PDGFRB: variants seen among roughly 807,000 people sequenced by gnomAD.
The protein encoded by PDGFRB is platelet-derived growth factor receptor beta.
Under a neutral mutation model 120.2 loss-of-function variants are expected in PDGFRB, and 42 were observed. The observed-to-expected ratio is 0.35, with a 90% confidence interval of 0.27 to 0.45. PDGFRB has a LOEUF of 0.45. PDGFRB is among the 20% of genes least tolerant of loss of function. The pLI is 1.00. For missense variants in PDGFRB, 1,149 were observed against 1,476.3 expected (o/e 0.78, Z 3.63); for synonymous variants, 586 against 606.8 (o/e 0.97, Z 0.50).
chr5:150,125,634 A>C, intron 11 of PDGFRB, 57 bp from the exon 12 acceptor site: 1 of 1,587,670 alleles, frequency 6.3e-7, no homozygotes, highest in Non-Finnish European at 8.6e-7. Flanking sequence ...CCTGAGCCCC[A>C]TTAGGTTCGT....
chr5:150,120,036 G>A lies in PDGFRB; in HGVS notation c.2674C>T (p.Leu892=), dbSNP rs747234346. The part of the protein sequence containing the change: ...TLSDVWSFGI[L]LWEIFTLGGT... Reference sequence around the variant, plus strand: ...CCCAAGGTGAAGATCTCCCAGAGCAGGATCCCGAAGGACCACACGTCGCTC... The same window carrying A: ...CCCAAGGTGAAGATCTCCCAGAGCAAGATCCCGAAGGACCACACGTCGCTC... The change falls in exon 19 of 23, where the codon CTG becomes TTG. Residue 892 remains leucine, a synonymous_variant. Coordinates refer to ENST00000261799, the MANE Select transcript of PDGFRB (RefSeq NM_002609.4). The surrounding 1 kb of genome is among the most constrained non-coding windows in gnomAD (Gnocchi z 4.3). 1.3e-6 allele frequency: 2 copies of A among 1,585,456 alleles called. No homozygotes were observed. The highest frequency in any genetic ancestry group is 1.1e-5 in the South Asian group (1 of 90,484).
At chr5:150,138,974 G>A (rs144456740) in intron 1 of PDGFRB, among the ~76,000 whole-genome samples, 352 of 152,344 alleles carry the variant, frequency 2.3e-3, no homozygotes, top group African/African-American at 7.9e-3. Flanking sequence ...TCACTGCAGC[G>A]GGGCTGGCCT....
At position 150,120,704 on chromosome 5, in the gene PDGFRB, C is replaced by T. The variant is rs931095029; in HGVS notation, c.2586+184G>A. 3.5e-4 allele frequency among the ~76,000 whole-genome samples: 53 copies of T among 152,124 alleles called. No individual in the cohort carries two copies. The highest frequency in any genetic ancestry group is 1.3e-3 in the African/African-American group (52 of 41,436). ...TATACTTGCTCCATGCACTCCTGGG[C>T]GGCTCCCCATCCTGTCCCTGCACAC... On this transcript the variant is annotated intron_variant, in intron 18 of 22. Transcript: ENST00000261799. The surrounding 1 kb of genome is among the most constrained non-coding windows in gnomAD (Gnocchi z 4.3).
intron 19 of PDGFRB, 111 bp from the exon 20 acceptor site, chr5:150,119,677 G>A (rs766509879): frequency 2.8e-6 from 2 of 718,370 alleles, no homozygotes; most frequent in South Asian, 1.6e-5. Context: ...GGGTAAGGGG[G>A]CAGTGCCCCT....
intron 1 of PDGFRB, among the ~76,000 whole-genome samples, chr5:150,155,069 T>C (rs1461381299): frequency 6.6e-6 from 1 of 152,030 alleles, no homozygotes; most frequent in Non-Finnish European, 1.5e-5. Flanking sequence ...CCTCTCCCGC[T>C]CTTCCCAGCT....
intron 10 of PDGFRB, among the ~76,000 whole-genome samples, chr5:150,127,966 C>T (rs972660786): frequency 6.6e-6 from 1 of 151,904 alleles, no homozygotes; most frequent in Non-Finnish European, 1.5e-5. Context: ...TCTCCAACTT[C>T]GTCTCTCACC....
intron 4 of PDGFRB, 97 bp from the exon 5 acceptor site, chr5:150,134,105 G>T: frequency 9.4e-7 from 1 of 1,059,158 alleles, no homozygotes; most frequent in Non-Finnish European, 1.4e-6. Flanking sequence ...GGGAAAGGAT[G>T]ACTGATGTAG....
intron 1 of PDGFRB, among the ~76,000 whole-genome samples, chr5:150,142,266 C>T (rs994721967): frequency 3.9e-5 from 6 of 152,164 alleles, no homozygotes; most frequent in African/African-American, 1.2e-4. Flanking sequence ...CGCAGCTCCC[C>T]GCCTCCAGCC....
intron 1 of PDGFRB, among the ~76,000 whole-genome samples, chr5:150,141,834 G>A (rs1760793047): frequency 1.3e-5 from 2 of 152,168 alleles, no homozygotes; most frequent in Non-Finnish European, 2.9e-5. Context: ...AAGAGCAGGA[G>A]TGAGAGCTGC....
At chr5:150,135,921 A>T (rs1760617602) in intron 2 of PDGFRB, 43 bp from the exon 3 acceptor site, 1 of 1,408,134 alleles carries the variant, frequency 7.1e-7, no homozygotes. Context: ...CAGGGGCTTC[A>T]GCACCTCTCC....
chr5:150,141,959 G>A (rs1760796655), intron 1 of PDGFRB, among the ~76,000 whole-genome samples: 2 of 151,658 alleles, frequency 1.3e-5, no homozygotes, highest in South Asian at 4.2e-4. Flanking sequence ...AGAGAGAGAG[G>A]GCCATGCTGC....
At chr5:150,150,465 A>T (rs1761044408) in intron 1 of PDGFRB, among the ~76,000 whole-genome samples, 1 of 152,116 alleles carries the variant, frequency 6.6e-6, no homozygotes, top group African/African-American at 2.4e-5. Context: ...GGCAGATAAA[A>T]GGTTTCAGGC....
chr5:150,121,906 G>T lies in PDGFRB; in HGVS notation c.2318C>A (p.Ala773Asp), dbSNP rs200197608. 1.2e-6 allele frequency: 2 copies of T among 1,613,352 alleles called. No individual in the cohort carries two copies. The highest frequency in any genetic ancestry group is 2.7e-5 in the African/African-American group (2 of 75,040). Residue 773 changes from alanine to aspartate, a missense_variant, in exon 16 of 23, where the codon GCC becomes GAC. Physicochemically the swap from Ala to Asp is moderately radical, Grantham distance 126. Coordinates refer to ENST00000261799, the MANE Select transcript of PDGFRB (RefSeq NM_002609.4). The surrounding 1 kb of genome is among the most constrained non-coding windows in gnomAD (Gnocchi z 4.1). ...YADIESSNYM[A>D]PYDNYVPSAP... Reference sequence around the variant, plus strand: ...AGAGGGAACGTAGTTATCGTAAGGGGCCATGTAGTTGGAGGACTCGATGTC... The same window carrying T: ...AGAGGGAACGTAGTTATCGTAAGGGTCCATGTAGTTGGAGGACTCGATGTC...
rs74365785 is a variant in PDGFRB, at chr5:150,135,426, G to T, written c.364+129C>A. ...CACACTCCCCGACTGAGCCAGGCTGGTTCCATGATTGTCTGCTTTTCTAGG... is the reference window on the plus strand; with the variant it reads ...CACACTCCCCGACTGAGCCAGGCTGTTTCCATGATTGTCTGCTTTTCTAGG... On this transcript the variant is annotated intron_variant, in intron 3 of 22. Transcript: ENST00000261799. 1.2e-3 allele frequency: 812 copies of T among 705,116 alleles called. 11 individuals are homozygous for T. The East Asian group carries it at 0.02, about 17-fold the overall frequency. The allele number at this position is 705,116 out of a possible 1,614,324, so 43.7% of individuals were successfully genotyped here. A position where few individuals can be genotyped will look rare whatever the true frequency, so the allele number is the denominator to read the frequency against.
chr5:150,150,638 G>A (rs1761052314), intron 1 of PDGFRB, among the ~76,000 whole-genome samples: 1 of 152,126 alleles, frequency 6.6e-6, no homozygotes, highest in Non-Finnish European at 1.5e-5. Flanking sequence ...GTGGGCTCTG[G>A]GGCTAAGGCT....
At chr5:150,131,956 A>G (rs1254324955) in intron 8 of PDGFRB, 23 bp downstream of exon 8, 2 of 1,218,402 alleles carry the variant, frequency 1.6e-6, no homozygotes, top group Non-Finnish European at 2.4e-6. Context: ...GAGCAGGGAC[A>G]TGGCGAGGGG....
chr5:150,128,415 C>A (rs1475315371), intron 10 of PDGFRB, among the ~76,000 whole-genome samples: 1 of 152,256 alleles, frequency 6.6e-6, no homozygotes, highest in Admixed American at 6.5e-5. Context: ...GCCCAGGGAC[C>A]TGCATACACA....
chr5:150,136,895 G>A (rs1760646881), intron 2 of PDGFRB, 113 bp downstream of exon 2: 1 of 790,402 alleles, frequency 1.3e-6, no homozygotes. Context: ...CTGAAGGGCA[G>A]GGCAGTGTGC....
intron 20 of PDGFRB, 33 bp from the exon 21 acceptor site, chr5:150,118,885 C>A: frequency 2.1e-6 from 3 of 1,398,954 alleles, no homozygotes; most frequent in Non-Finnish European, 3.0e-6. Context: ...GGGCCTCTGG[C>A]CCAGGGTTCA....
Sources: allele counts gnomAD v4.1 joint callset (sites outside exome capture counted in the v4.1 genomes callset), GRCh38; gene constraint gnomAD v4.1.1; non-coding constraint Gnocchi (gnomAD v3.1); transcripts MANE v1.5; gene names NCBI Gene and HGNC (gene_info 2026-07-23, HGNC 2026-07-21).